PTBP3: variants seen among roughly 807,000 people sequenced by gnomAD.
The protein encoded by PTBP3 is polypyrimidine tract binding protein 3.
Under a neutral mutation model 58.7 loss-of-function variants are expected in PTBP3, and 20 were observed. The ratio of observed to expected loss-of-function variants is 0.34; its 90% CI spans 0.24 to 0.50. PTBP3 has a LOEUF of 0.50. Among genes scored for constraint, PTBP3 ranks in the 20% least tolerant of loss-of-function variants. The pLI, the probability that PTBP3 is intolerant of heterozygous loss-of-function variation, is 0.98. For synonymous variants in PTBP3, 185 were observed against 219.8 expected (o/e 0.84, Z 1.40); for missense variants, 509 against 637.2 (o/e 0.80, Z 2.17).
chr9:112,336,885 CTGTT>C (rs1830581635), upstream of PTBP3, among the ~76,000 whole-genome samples: 2 of 152,164 alleles, frequency 1.3e-5, no homozygotes, highest in African/African-American at 4.8e-5. Context: ...ATTAACAAAA[CTGTT>C]TGGCATTTCC....
At chr9:112,242,155 TCTGA>T (rs371479187) in intron 7 of PTBP3, among the ~76,000 whole-genome samples, 1 of 152,140 alleles carries the variant, frequency 6.6e-6, no homozygotes, top group Non-Finnish European at 1.5e-5. Flanking sequence ...AGAGATGGGG[TCTGA>T]CTGTGTTGCC....
chr9:112,369,884 T>C, the PTBP3 span, among the ~76,000 whole-genome samples: 1 of 152,170 alleles, frequency 6.6e-6, no homozygotes, highest in African/African-American at 2.4e-5. Flanking sequence ...AACTGAATCA[T>C]AGGGGCCAGT....
intron 1 of PTBP3, among the ~76,000 whole-genome samples, chr9:112,303,488 C>T (rs1400450198): frequency 6.6e-6 from 1 of 152,196 alleles, no homozygotes; most frequent in East Asian, 1.9e-4. Flanking sequence ...TTATATTCTT[C>T]CAGAGCCTAT....
At position 112,231,055 on chromosome 9, in the gene PTBP3, C is replaced by T. The variant is rs377681038; in HGVS notation, c.1054+325G>A. Reference sequence around the variant, plus strand: ...CTTCCATGCACCAGGACCCATCTCTCCCCTCTCCCCTCCCCTGTGAAGACA... The same window carrying T: ...CTTCCATGCACCAGGACCCATCTCTTCCCTCTCCCCTCCCCTGTGAAGACA... On this transcript the variant is annotated intron_variant, in intron 10 of 13. Transcript: ENST00000374257. Among the ~76,000 whole-genome samples, 21 of 142,368 alleles carry T rather than the reference C, an allele frequency of 1.5e-4. 1 individual carries two copies. The highest frequency in any genetic ancestry group is 3.5e-3 in the Middle Eastern group (1 of 284). The allele number at this position is 142,368 out of a possible 152,430, so 93.4% of individuals were successfully genotyped here. A position where few individuals can be genotyped will look rare whatever the true frequency, so the allele number is the denominator to read the frequency against.
At chr9:112,262,262 G>A (rs964804522) in intron 5 of PTBP3, among the ~76,000 whole-genome samples, 173 bp downstream of exon 5, 5 of 151,698 alleles carry the variant, frequency 3.3e-5, no homozygotes, top group African/African-American at 9.7e-5. Flanking sequence ...GTTAGAAAAA[G>A]GAGGCTGTCA....
chr9:112,357,989 T>G, the PTBP3 span, among the ~76,000 whole-genome samples: 1 of 152,230 alleles, frequency 6.6e-6, no homozygotes, highest in African/African-American at 2.4e-5. Flanking sequence ...GTAAATTTTA[T>G]GTTAGGTATG....
chr9:112,323,378 G>A (rs543489390), intron 1 of PTBP3, among the ~76,000 whole-genome samples: 1 of 152,140 alleles, frequency 6.6e-6, no homozygotes, highest in African/African-American at 2.4e-5. Context: ...ACAGGTTTAA[G>A]CATTTCCTTC....
the PTBP3 span, among the ~76,000 whole-genome samples, chr9:112,359,850 A>AC: frequency 3.9e-4 from 59 of 151,894 alleles, no homozygotes; most frequent in African/African-American, 1.4e-3. Flanking sequence ...CAAAAAAAAA[A>AC]CAAGTTTCAA....
chr9:112,235,468 T>C (rs934415563), intron 7 of PTBP3, among the ~76,000 whole-genome samples: 1 of 152,182 alleles, frequency 6.6e-6, no homozygotes, highest in Admixed American at 6.6e-5. Flanking sequence ...TAGTGTGTAC[T>C]AAATGCTAAA....
chr9:112,231,174 C>A (rs1282837049), intron 10 of PTBP3, among the ~76,000 whole-genome samples: 4 of 150,254 alleles, frequency 2.7e-5, no homozygotes, highest in African/African-American at 1.0e-4. Flanking sequence ...GGTTAGGTCT[C>A]CCTGCGTTAC....
chr9:112,293,946 T>C (rs1356349229), intron 2 of PTBP3, among the ~76,000 whole-genome samples: 2 of 152,220 alleles, frequency 1.3e-5, no homozygotes, highest in Non-Finnish European at 2.9e-5. Flanking sequence ...CTTAAATCTG[T>C]ATTTTTAGGT....
At chr9:112,272,075 TTTTA>T (rs1473452409) in intron 3 of PTBP3, among the ~76,000 whole-genome samples, 6 of 110,700 alleles carry the variant, frequency 5.4e-5, no homozygotes, top group African/African-American at 1.6e-4. Context: ...TCTTTTTATT[TTTTA>T]TTTTTTTTTT....
At chr9:112,316,128 A>T (rs1360101600) in intron 1 of PTBP3, among the ~76,000 whole-genome samples, 1 of 152,186 alleles carries the variant, frequency 6.6e-6, no homozygotes, top group Non-Finnish European at 1.5e-5. Flanking sequence ...TTACACCTGG[A>T]TCATCCAGTT....
intron 7 of PTBP3, among the ~76,000 whole-genome samples, chr9:112,247,398 T>C (rs1835930024): frequency 6.6e-6 from 1 of 151,888 alleles, no homozygotes; most frequent in South Asian, 2.1e-4. Context: ...AGCCCGATAC[T>C]TGTTTGGATC....
At chr9:112,343,443 C>T in the PTBP3 span, among the ~76,000 whole-genome samples, 1 of 152,064 alleles carries the variant, frequency 6.6e-6, no homozygotes, top group East Asian at 1.9e-4. Context: ...TAGCTCATAT[C>T]CTCAACTGGT....
intron 2 of PTBP3, 113 bp from the exon 3 acceptor site, chr9:112,276,126 G>T: frequency 1.1e-6 from 1 of 918,710 alleles, no homozygotes; most frequent in South Asian, 1.6e-5. Flanking sequence ...TGAACTTCAG[G>T]GAAACGTGGG....
chr9:112,341,282 C>T, the PTBP3 span, among the ~76,000 whole-genome samples: 1 of 152,088 alleles, frequency 6.6e-6, no homozygotes, highest in East Asian at 1.9e-4. Context: ...CAGGTGCACA[C>T]CACCATGCCT....
chr9:112,301,494 A>C (rs1667811056), intron 1 of PTBP3, among the ~76,000 whole-genome samples: 2 of 152,276 alleles, frequency 1.3e-5, no homozygotes, highest in Middle Eastern at 3.4e-3. Context: ...ACATACACTT[A>C]GCAACCTCAA....
chr9:112,231,926 AGAG>A (rs1307792884), intron 9 of PTBP3, among the ~76,000 whole-genome samples, 170 bp downstream of exon 9: 1 of 65,686 alleles, frequency 1.5e-5, no homozygotes, highest in African/African-American at 6.4e-5. Context: ...AGAGAAGAGA[AGAG>A]AAGAGAAGAG....
Sources: gnomAD v4.1 joint callset for allele counts (sites outside exome capture counted in the v4.1 genomes callset) on GRCh38, gnomAD v4.1.1 for gene constraint, MANE v1.5 for transcripts, NCBI Gene and HGNC (gene_info 2026-07-23, HGNC 2026-07-21) for gene names.